The following FBLIM1 variants were observed in gnomAD, a reference collection of about 807,000 sequenced individuals.
FBLIM1 encodes the protein filamin binding LIM protein 1.
Under a neutral mutation model 37.4 loss-of-function variants are expected in FBLIM1, and 29 were observed. The observed-to-expected ratio is 0.77, with a 90% CI of 0.58 to 1.06. The LOEUF (loss-of-function observed/expected upper bound fraction) is 1.06. Among genes scored for constraint, FBLIM1 ranks in the 50% least tolerant of loss-of-function variants. FBLIM1 has a pLI of 0.00. For synonymous variants in FBLIM1, 193 were observed against 199.0 expected, an observed-to-expected ratio of 0.97 and a Z score of 0.25; for missense variants, 449 against 505.6, an observed-to-expected ratio of 0.89 and a Z score of 1.07.
intron 8 of FBLIM1, among the ~76,000 whole-genome samples, chr1:15,783,682 T>TCTCCTGC (rs948793252): frequency 3.3e-5 from 5 of 150,278 alleles, no homozygotes; most frequent in African/African-American, 9.8e-5. Context: ...TTCACGCCAT[T>TCTCCTGC]CTCCTGCCTC....
chr1:15,778,703 T>C (rs2069560235), intron 8 of FBLIM1, among the ~76,000 whole-genome samples: 1 of 151,910 alleles, frequency 6.6e-6, no homozygotes, highest in Admixed American at 6.6e-5. Flanking sequence ...TGCAATGGCG[T>C]GATCTCAGCT....
At chr1:15,758,244 G>T (rs2068492954), upstream of FBLIM1, 2 of 152,286 alleles carry the variant, frequency 1.3e-5, no homozygotes, top group Admixed American at 1.3e-4. This position sits in a 1 kb window ranked among gnomAD's most constrained non-coding sequence, Gnocchi z 6.2. Flanking sequence ...AGGAGGTGGC[G>T]TGACTGCTCC....
Position 15,767,425 on chromosome 1 carries a change from C to A in FBLIM1, c.300C>A (p.Asp100Glu), listed in dbSNP as rs754204627. The A allele has an allele frequency of 6.3e-7, 1 of 1,580,070 alleles. No individual in the cohort carries two copies. The highest frequency in any genetic ancestry group is 8.6e-7 in the Non-Finnish European group (1 of 1,159,572). The change falls in exon 4 of 9, where the codon GAC becomes GAA. Residue 100 changes from aspartate to glutamate, a missense_variant. By Grantham distance (45) the Asp-to-Glu change is conservative. Coordinates refer to ENST00000375766, the MANE Select transcript of FBLIM1 (RefSeq NM_017556.4). ...PVLDGEDVLPDLDLLPPPPPP... is the reference protein window; with the variant it reads ...PVLDGEDVLPELDLLPPPPPP... ...TGGATGGTGAGGACGTGCTTCCTGA[C>A]CTGGACCTCCTCCCACCCCCTCCAC...
chr1:15,768,505 A>T (rs781173971), intron 4 of FBLIM1, 23 bp from the exon 5 acceptor site: 73 of 1,490,734 alleles, frequency 4.9e-5, no homozygotes, highest in Non-Finnish European at 2.1e-5. Context: ...CCACTGGATG[A>T]CTCCCCGTCT....
At chr1:15,759,990 G>A (rs959273721) in intron 1 of FBLIM1, among the ~76,000 whole-genome samples, 1 of 152,150 alleles carries the variant, frequency 6.6e-6, no homozygotes, top group Non-Finnish European at 1.5e-5. Context: ...TTGGGAGGCC[G>A]AGGCGGGCGG....
chr1:15,764,287 G>C (rs1408619021), intron 1 of FBLIM1, among the ~76,000 whole-genome samples: 1 of 152,238 alleles, frequency 6.6e-6, no homozygotes, highest in African/African-American at 2.4e-5. Context: ...GGTGGGTGAT[G>C]ATAGTGCCTG....
chr1:15,759,109 C>T (rs530780116), intron 1 of FBLIM1, among the ~76,000 whole-genome samples: 1 of 152,182 alleles, frequency 6.6e-6, no homozygotes, highest in East Asian at 2.0e-4. Flanking sequence ...GGCCGAGTCC[C>T]AGCCCGGGAG....
At chr1:15,780,444 C>T (rs138370397) in intron 8 of FBLIM1, among the ~76,000 whole-genome samples, 2,403 of 152,314 alleles carry the variant, frequency 0.016, 47 homozygotes, top group South Asian at 0.021. Flanking sequence ...AAGTGATCTG[C>T]CCGCCTTGGC....
In FBLIM1 at chr1:15,784,621, A is replaced by T; in HGVS notation, c.1082A>T (p.Lys361Met). The T allele has an allele frequency of 6.2e-7, 1 of 1,614,146 alleles. No individual in the cohort carries two copies. Reference sequence around the variant, plus strand: ...CCCCTGAACAACCATCTCTTCTGCAAGCCATGCCATGTGAAGCGGAGTGCT... The same window carrying T: ...CCCCTGAACAACCATCTCTTCTGCATGCCATGCCATGTGAAGCGGAGTGCT... The part of the protein sequence containing the change: ...CYPLNNHLFC[K>M]PCHVKRSAAG... The change falls in exon 9 of 9, where the codon AAG becomes ATG. Residue 361 changes from lysine to methionine, a missense_variant. Coordinates refer to ENST00000375766, the MANE Select transcript of FBLIM1 (RefSeq NM_017556.4).
Position 15,765,841 on chromosome 1 carries a change from C to T in FBLIM1, c.250+608C>T, listed in dbSNP as rs1444629632. 6.6e-6 allele frequency among the ~76,000 whole-genome samples: 1 copy of T among 152,212 alleles called. No individual in the cohort carries two copies. The highest frequency in any genetic ancestry group is 1.5e-5 in the Non-Finnish European group (1 of 68,040). ...GGTCCCCCTGCTTCTCTCTTGAATTCCTGCCCGCCCATCATAGCCTATGGG... is the reference window on the plus strand; with the variant it reads ...GGTCCCCCTGCTTCTCTCTTGAATTTCTGCCCGCCCATCATAGCCTATGGG... On this transcript the variant is annotated intron_variant, in intron 3 of 8. Transcript: ENST00000375766. The surrounding 1 kb of genome is among the most constrained non-coding windows in gnomAD (Gnocchi z 5.9).
intron 4 of FBLIM1, 46 bp from the exon 5 acceptor site, chr1:15,768,482 G>C: frequency 7.5e-7 from 1 of 1,326,118 alleles, no homozygotes; most frequent in Non-Finnish European, 1.0e-6. Context: ...AGCTGGGAGG[G>C]CTGCATGGGG....
At position 15,784,686 on chromosome 1, in the gene FBLIM1, A is replaced by C. The variant is rs759473158; in HGVS notation, c.*25A>C. On this transcript the variant is annotated 3_prime_UTR_variant, in exon 9 of 9. Transcript: ENST00000375766. Reference sequence around the variant, plus strand: ...AGAGTGCCCGCTGGGCAGTGAACAGACCACTAGCCCCGGCTGGGGCCCTTC... The same window carrying C: ...AGAGTGCCCGCTGGGCAGTGAACAGCCCACTAGCCCCGGCTGGGGCCCTTC... 1 of 1,600,742 alleles carries C rather than the reference A, an allele frequency of 6.2e-7. No homozygotes were observed. The highest frequency in any genetic ancestry group is 1.1e-5 in the South Asian group (1 of 90,636).
chr1:15,784,357 G>C (rs562238163), intron 8 of FBLIM1, among the ~76,000 whole-genome samples, 191 bp from the exon 9 acceptor site: 32 of 152,294 alleles, frequency 2.1e-4, no homozygotes, highest in African/African-American at 7.5e-4. Context: ...ATGTGTGTCT[G>C]TGTCTCATCT....
At chr1:15,761,842 C>T (rs888680389) in intron 1 of FBLIM1, among the ~76,000 whole-genome samples, 1 of 152,068 alleles carries the variant, frequency 6.6e-6, no homozygotes, top group African/African-American at 2.4e-5. Context: ...GGCCAGTGCA[C>T]TTTGAGATAA....
upstream of FBLIM1, chr1:15,756,779 A>C (rs2148407000): frequency 6.6e-6 from 1 of 152,364 alleles, no homozygotes; most frequent in Admixed American, 6.5e-5. Flanking sequence ...ACTGTCCCAG[A>C]GCAAATGTGG....
chr1:15,779,714 C>T (rs528851061), intron 8 of FBLIM1, among the ~76,000 whole-genome samples: 1 of 152,106 alleles, frequency 6.6e-6, no homozygotes, highest in African/African-American at 2.4e-5. Flanking sequence ...GTCTGGACTT[C>T]AGGCTGCAGA....
intron 8 of FBLIM1, among the ~76,000 whole-genome samples, chr1:15,782,848 T>C (rs1442953974): frequency 6.8e-6 from 1 of 147,418 alleles, no homozygotes; most frequent in Non-Finnish European, 1.5e-5. Context: ...TTGCCCTGTC[T>C]CCCAGGCTGG....
rs1441184379 is a variant in FBLIM1 at position 15,765,407 on chromosome 1, G to A, written c.250+174G>A. On this transcript the variant is annotated intron_variant, in intron 3 of 8. Transcript: ENST00000375766. This position sits in a 1 kb window ranked among gnomAD's most constrained non-coding sequence, Gnocchi z 5.9. ...GGGCAAGGGAGCCCGGGAAATAGAG[G>A]CTAGATGTCAGAATTTCCGGGACAT... is the stretch of plus-strand genomic sequence containing the variant. 6.6e-6 allele frequency among the ~76,000 whole-genome samples: 1 copy of A among 152,116 alleles called. No individual in the cohort carries two copies. The highest frequency in any genetic ancestry group is 2.4e-5 in the African/African-American group (1 of 41,420).
intron 1 of FBLIM1, among the ~76,000 whole-genome samples, chr1:15,761,156 C>A (rs949346622): frequency 2.0e-5 from 3 of 152,130 alleles, no homozygotes; most frequent in African/African-American, 7.2e-5. Flanking sequence ...CATCCCGAAG[C>A]CCCACAGCAG....
Sources: gnomAD v4.1 joint callset for allele counts (sites outside exome capture counted in the v4.1 genomes callset) on GRCh38, gnomAD v4.1.1 for gene constraint, Gnocchi (gnomAD v3.1) non-coding constraint, MANE v1.5 for transcripts, NCBI Gene and HGNC (gene_info 2026-07-23, HGNC 2026-07-21) for gene names.